FBXL20: variants seen among roughly 807,000 people sequenced by gnomAD.
The protein encoded by FBXL20 is F-box and leucine rich repeat protein 20.
A neutral mutation model predicts 64.0 loss-of-function variants in FBXL20; 11 were observed. The observed-to-expected ratio is 0.17, with a 90% CI of 0.11 to 0.28. FBXL20 has a LOEUF of 0.28. Among genes scored for constraint, FBXL20 ranks in the 10% least tolerant of loss-of-function variants. The pLI, the probability that FBXL20 is intolerant of heterozygous loss-of-function variation, is 1.00. For synonymous variants in FBXL20, 184 were observed against 189.0 expected, an observed-to-expected ratio of 0.97 and a Z score of 0.22; for missense variants, 303 against 526.2, an observed-to-expected ratio of 0.58 and a Z score of 4.15.
rs143983765 is a variant in FBXL20 at position 39,394,534 on chromosome 17, C to T, written c.42+6827G>A. Among the ~76,000 whole-genome samples the T allele has an allele frequency of 2.8e-3, 428 of 151,608 alleles. 2 individuals are homozygous for T. The Middle Eastern group carries it at 0.061, about 22-fold the overall frequency. Reference sequence around the variant, plus strand: ...CCTTGTGGTCTGCCCACCTCAGCCTCCCAAAGTGCTGAGATTACAGAATTT... The same window carrying T: ...CCTTGTGGTCTGCCCACCTCAGCCTTCCAAAGTGCTGAGATTACAGAATTT... On this transcript the variant is annotated intron_variant, in intron 1 of 14. Coordinates refer to ENST00000264658, the MANE Select transcript of FBXL20 (RefSeq NM_032875.3).
Position 39,301,086 on chromosome 17 carries a change from GA to G in FBXL20, c.160-12del. On this transcript the variant is annotated splice_polypyrimidine_tract_variant and intron_variant, in intron 3 of 14. Transcript: ENST00000264658. ...CAGAACATTCCAGGCCTATTTTAAAGAAAAAGAGACAGAATGAGCAGAAGCT... is the reference window on the plus strand; with the variant it reads ...CAGAACATTCCAGGCCTATTTTAAAGAAAAGAGACAGAATGAGCAGAAGCT... The G allele has an allele frequency of 6.2e-7, 1 of 1,611,350 alleles. No individual in the cohort carries two copies. The highest frequency in any genetic ancestry group is 1.1e-5 in the South Asian group (1 of 90,818).
intron 1 of FBXL20, among the ~76,000 whole-genome samples, chr17:39,344,897 A>G (rs902641052): frequency 2.6e-5 from 4 of 152,232 alleles, no homozygotes; most frequent in African/African-American, 4.8e-5. Context: ...CAAGTGCATC[A>G]CTTGATGCAC....
chr17:39,335,109 G>GCA (rs2047507681), intron 2 of FBXL20, among the ~76,000 whole-genome samples: 1 of 152,126 alleles, frequency 6.6e-6, no homozygotes, highest in African/African-American at 2.4e-5. Context: ...TTCTCTAGCT[G>GCA]TGCAGCTGCA....
At chr17:39,362,957 C>T (rs1263556649) in intron 1 of FBXL20, among the ~76,000 whole-genome samples, 1 of 151,572 alleles carries the variant, frequency 6.6e-6, no homozygotes, top group Non-Finnish European at 1.5e-5. Context: ...TACAACCAAC[C>T]ATTATTAAAT....
chr17:39,349,757 A>T (rs1046947978), intron 1 of FBXL20, among the ~76,000 whole-genome samples: 5 of 152,108 alleles, frequency 3.3e-5, no homozygotes, highest in African/African-American at 1.2e-4. Flanking sequence ...TAACACGGTG[A>T]AACCCCATCT....
chr17:39,276,222 A>AG (rs1491576775), intron 9 of FBXL20, among the ~76,000 whole-genome samples: 2 of 83,772 alleles, frequency 2.4e-5, no homozygotes, highest in African/African-American at 9.4e-5. Context: ...GCAAGAAAAG[A>AG]AAAAAAAAAA....
intron 2 of FBXL20, among the ~76,000 whole-genome samples, chr17:39,304,746 C>A (rs2047166285): frequency 6.6e-6 from 1 of 152,110 alleles, no homozygotes; most frequent in Non-Finnish European, 1.5e-5. Context: ...CGCATGCCAC[C>A]ATGCTCAGCT....
rs756685888 is a variant in FBXL20 at position 39,298,974 on chromosome 17, A to G, written c.329+16T>C. The G allele has an allele frequency of 1.9e-5, 30 of 1,595,932 alleles. 1 individual carries two copies. The highest frequency in any genetic ancestry group is 1.2e-4 in the South Asian group (11 of 90,238). On this transcript the variant is annotated intron_variant, in intron 5 of 14. Transcript: ENST00000264658. ...TCACTTCCATCAAGAAGATTAATCAATAGTTATGTTTTTACCTTAATGCAT... is the reference window on the plus strand; with the variant it reads ...TCACTTCCATCAAGAAGATTAATCAGTAGTTATGTTTTTACCTTAATGCAT...
rs59955109 is a variant in FBXL20, at chr17:39,314,795, CTTTTTTTTTT to C, written c.105-11166_105-11157del. Among the ~76,000 whole-genome samples, 3 of 125,960 alleles carry C rather than the reference CTTTTTTTTTT, an allele frequency of 2.4e-5. No homozygotes were observed. The East Asian group carries it at 6.9e-4, about 29-fold the overall frequency. 82.6% of individuals were successfully genotyped at this position (125,960 alleles called of 152,430 possible). ...GGTTTTAATTTCTCCATATCCTTTTCTTTTTTTTTTTTTTTTTTGAAATGGAGTCTCACTC... is the reference window on the plus strand; with the variant it reads ...GGTTTTAATTTCTCCATATCCTTTTCTTTTTTTTGAAATGGAGTCTCACTC... On this transcript the variant is annotated intron_variant, in intron 2 of 14. Coordinates refer to ENST00000264658, the MANE Select transcript of FBXL20 (RefSeq NM_032875.3).
At chr17:39,278,509 A>G (rs1437907793) in intron 9 of FBXL20, among the ~76,000 whole-genome samples, 1 of 151,080 alleles carries the variant, frequency 6.6e-6, no homozygotes, top group Non-Finnish European at 1.5e-5. Context: ...TCATGTTTAC[A>G]ATAACTGTGG....
At chr17:39,368,760 A>C (rs8077822) in intron 1 of FBXL20, among the ~76,000 whole-genome samples, 7,884 of 152,072 alleles carry the variant, frequency 0.052, 663 homozygotes, top group African/African-American at 0.18. Context: ...GGTTCAAGCT[A>C]TTCTCCTGCC....
rs1567865662 is a variant in FBXL20, at chr17:39,290,027, A to AAAAT, written c.399-4455_399-4454insATTT. Among the ~76,000 whole-genome samples, 52 of 150,318 alleles carry AAAAT rather than the reference A, an allele frequency of 3.5e-4. 1 individual carries two copies. The highest frequency in any genetic ancestry group is 9.8e-4 in the African/African-American group (40 of 40,880). ...AAAAAAAAAAAAAAAAAAAAAAAAA[A>AAAAT]ATTCTATGTTTATTTCTCTATCATT... On this transcript the variant is annotated intron_variant, in intron 6 of 14. Transcript: ENST00000264658.
At chr17:39,333,504 C>A (rs2047485878) in intron 2 of FBXL20, among the ~76,000 whole-genome samples, 1 of 152,196 alleles carries the variant, frequency 6.6e-6, no homozygotes. Flanking sequence ...ACAACCTCCA[C>A]CTCCCAGCCG....
chr17:39,314,211 C>T (rs1352169162), intron 2 of FBXL20, among the ~76,000 whole-genome samples: 5 of 152,150 alleles, frequency 3.3e-5, no homozygotes, highest in Admixed American at 3.3e-4. Flanking sequence ...TGTTGGCTTT[C>T]ACTTAGCACA....
At chr17:39,284,513 T>C (rs1278612027) in intron 7 of FBXL20, among the ~76,000 whole-genome samples, 1 of 152,178 alleles carries the variant, frequency 6.6e-6, no homozygotes, top group Non-Finnish European at 1.5e-5. Flanking sequence ...CCTGAGCAGC[T>C]GGGACTACAG....
intron 2 of FBXL20, among the ~76,000 whole-genome samples, chr17:39,339,955 T>C (rs530872706): frequency 6.6e-6 from 1 of 151,616 alleles, no homozygotes; most frequent in African/African-American, 2.4e-5. Flanking sequence ...TTTTTTTTTT[T>C]TGAAATGCAG....
chr17:39,314,473 T>G (rs1227811523), intron 2 of FBXL20, among the ~76,000 whole-genome samples: 1 of 150,884 alleles, frequency 6.6e-6, no homozygotes, highest in African/African-American at 2.4e-5. Flanking sequence ...CTCAGCCTCC[T>G]GAGTAGCTGA....
intron 2 of FBXL20, among the ~76,000 whole-genome samples, chr17:39,341,781 T>C (rs1226451134): frequency 6.6e-6 from 1 of 152,208 alleles, no homozygotes; most frequent in Non-Finnish European, 1.5e-5. Flanking sequence ...CCACTGAGAT[T>C]TACGACTTGT....
intron 14 of FBXL20, among the ~76,000 whole-genome samples, chr17:39,262,224 G>C (rs1374777781): frequency 1.3e-5 from 2 of 152,128 alleles, no homozygotes; most frequent in Non-Finnish European, 2.9e-5. Flanking sequence ...TCGAACTCAA[G>C]ATGAAGTTTG....
Sources: allele counts gnomAD v4.1 joint callset (sites outside exome capture counted in the v4.1 genomes callset), GRCh38; gene constraint gnomAD v4.1.1; transcripts MANE v1.5; gene names NCBI Gene and HGNC (gene_info 2026-07-23, HGNC 2026-07-21).